The following TMEM144 variants were observed in gnomAD, a reference collection of about 807,000 sequenced individuals.
The protein encoded by TMEM144 is transmembrane protein 144.
Under a neutral mutation model 43.6 loss-of-function variants are expected in TMEM144, and 39 were observed. The observed-to-expected ratio is 0.90, with a 90% CI of 0.69 to 1.17. The LOEUF (loss-of-function observed/expected upper bound fraction) is 1.17. Among genes scored for constraint, TMEM144 ranks in the 50% most tolerant of loss-of-function variants. The pLI is 0.00. For synonymous variants in TMEM144, 154 were observed against 133.6 expected, an observed-to-expected ratio of 1.15 and a Z score of -1.06; for missense variants, 417 against 411.9, an observed-to-expected ratio of 1.01 and a Z score of -0.11.
At chr4:158,250,312 T>C (rs567146214) in intron 12 of TMEM144, among the ~76,000 whole-genome samples, 74 of 151,878 alleles carry the variant, frequency 4.9e-4, no homozygotes, top group African/African-American at 1.7e-3. Context: ...CCCTCCATCC[T>C]GGACTTTGTT....
chr4:158,253,447 CT>C lies in TMEM144; in HGVS notation c.959del (p.Leu320HisfsTer6), dbSNP rs1254810150. ...GIFMFKEIKG[L>X]QNYLLMILAF... ...GTTATTCTTTTTTCTTATTCAGGGT[CT>C]ACAAAACTACCTATTAATGATACTT... On this transcript the variant is annotated frameshift_variant, in exon 13 of 13. Coordinates refer to ENST00000296529, the MANE Select transcript of TMEM144 (RefSeq NM_018342.5). LOFTEE classifies it high-confidence loss of function. 6.2e-7 allele frequency: 1 copy of C among 1,611,640 alleles called. No individual in the cohort carries two copies. The highest frequency in any genetic ancestry group is 8.5e-7 in the Non-Finnish European group (1 of 1,178,604).
In TMEM144 at chr4:158,253,618, A is replaced by C; in HGVS notation, c.*91A>C. The C allele has an allele frequency of 9.8e-7, 1 of 1,017,954 alleles. No individual in the cohort carries two copies. Among genetic ancestry groups the C allele is most frequent in the South Asian group, 1.5e-5 (1 of 66,986 alleles). The allele number at this position is 1,017,954 out of a possible 1,614,324, so 63.1% of individuals were successfully genotyped here. On this transcript the variant is annotated 3_prime_UTR_variant, in exon 13 of 13. Transcript: ENST00000296529. ...CATGCTGAGAAAAGAGTGCATTTTCATATAGCAAATGGATCTCAGCCACTG... is the reference window on the plus strand; with the variant it reads ...CATGCTGAGAAAAGAGTGCATTTTCCTATAGCAAATGGATCTCAGCCACTG...
At chr4:158,243,617 T>G (rs902504990) in intron 11 of TMEM144, among the ~76,000 whole-genome samples, 1 of 152,198 alleles carries the variant, frequency 6.6e-6, no homozygotes, top group Non-Finnish European at 1.5e-5. Flanking sequence ...GTTTATAAAT[T>G]GCAGAACCAT....
intron 5 of TMEM144, among the ~76,000 whole-genome samples, chr4:158,218,941 T>C (rs1734371893): frequency 6.6e-6 from 1 of 151,998 alleles, no homozygotes; most frequent in South Asian, 2.1e-4. Context: ...AGTGAAACCC[T>C]GTCTCTACTA....
In TMEM144 at chr4:158,217,226, G is replaced by A. The variant is rs1734267009; in HGVS notation, c.233-95G>A. ...TTTACTAAATTTGTCCAAATCACAT[G>A]CACTTCAGTTGAAGTTAGAATAAAA... On this transcript the variant is annotated intron_variant, in intron 4 of 12. Coordinates refer to ENST00000296529, the MANE Select transcript of TMEM144 (RefSeq NM_018342.5). 5 of 792,370 alleles carry A rather than the reference G, an allele frequency of 6.3e-6. No individual in the cohort carries two copies. In the South Asian group the frequency reaches 7.1e-5, roughly 11 times the overall value. The allele number at this position is 792,370 out of a possible 1,614,324, so 49.1% of individuals were successfully genotyped here. A position where few individuals can be genotyped will look rare whatever the true frequency, so the allele number is the denominator to read the frequency against.
At chr4:158,222,778 C>A (rs552590466) in intron 6 of TMEM144, among the ~76,000 whole-genome samples, 2 of 152,298 alleles carry the variant, frequency 1.3e-5, no homozygotes, top group African/African-American at 4.8e-5. Flanking sequence ...ACTGCACGTG[C>A]ACACACACAA....
chr4:158,215,522 G>A (rs1734179697), intron 4 of TMEM144, among the ~76,000 whole-genome samples: 1 of 152,018 alleles, frequency 6.6e-6, no homozygotes, highest in South Asian at 2.1e-4. Context: ...TCCTCTTAAT[G>A]ATTTATTTTT....
intron 6 of TMEM144, among the ~76,000 whole-genome samples, chr4:158,223,865 A>G (rs1302844272): frequency 1.3e-5 from 2 of 152,240 alleles, no homozygotes; most frequent in African/African-American, 4.8e-5. Context: ...TAGTGCTGCA[A>G]TAAGCATACA....
chr4:158,229,643 A>G (rs1009732231), intron 6 of TMEM144, among the ~76,000 whole-genome samples: 1 of 152,144 alleles, frequency 6.6e-6, no homozygotes, highest in Admixed American at 6.5e-5. Context: ...CAACCCTCCC[A>G]CTAAGGGAGG....
At chr4:158,231,417 G>A (rs947696786) in intron 6 of TMEM144, among the ~76,000 whole-genome samples, 3 of 152,144 alleles carry the variant, frequency 2.0e-5, no homozygotes, top group East Asian at 1.9e-4. Context: ...TCAGCACGCC[G>A]AAGTGCCGTA....
intron 11 of TMEM144, among the ~76,000 whole-genome samples, chr4:158,244,048 G>A (rs905681791): frequency 3.3e-5 from 5 of 152,048 alleles, no homozygotes; most frequent in African/African-American, 1.2e-4. Context: ...AAAGTATTAT[G>A]TGGCACAAAA....
At chr4:158,228,008 A>T (rs1231062602) in intron 6 of TMEM144, among the ~76,000 whole-genome samples, 3 of 152,180 alleles carry the variant, frequency 2.0e-5, no homozygotes, top group Admixed American at 1.3e-4. Flanking sequence ...AAAGCAAAGA[A>T]CGGGTAAAAA....
chr4:158,235,807 G>T (rs1029852271), intron 8 of TMEM144: 8 of 249,414 alleles, frequency 3.2e-5, no homozygotes, highest in Middle Eastern at 2.6e-3. Context: ...GTAGTAACGT[G>T]ACCAACCTGC....
rs1736353495 is a variant in TMEM144 at position 158,254,096 on chromosome 4, A to G, written c.*569A>G. 1.3e-5 allele frequency: 2 copies of G among 152,288 alleles called. No individual in the cohort carries two copies. Among genetic ancestry groups the G allele is most frequent in the Non-Finnish European group, 1.5e-5 (1 of 68,136 alleles). The allele number at this position is 152,288 out of a possible 1,614,324, so 9.4% of individuals were successfully genotyped here. On this transcript the variant is annotated 3_prime_UTR_variant, in exon 13 of 13. Transcript: ENST00000296529. ...GTTTATTTCAAGTTAATATCGCCCA[A>G]CTCTACATCATCTACCCATTTTAGC... is the stretch of plus-strand genomic sequence containing the variant.
At chr4:158,228,141 A>C (rs1734869389) in intron 6 of TMEM144, among the ~76,000 whole-genome samples, 2 of 152,260 alleles carry the variant, frequency 1.3e-5, no homozygotes, top group Admixed American at 1.3e-4. Flanking sequence ...CAAGTCAAAA[A>C]GAAAAACCAA....
chr4:158,239,725 ATT>A (rs1263376708), intron 9 of TMEM144, among the ~76,000 whole-genome samples: 1 of 152,130 alleles, frequency 6.6e-6, no homozygotes, highest in East Asian at 1.9e-4. Flanking sequence ...TACATAATTC[ATT>A]GTTTCTTATT....
At chr4:158,219,131 A>G (rs953406875) in intron 5 of TMEM144, among the ~76,000 whole-genome samples, 179 bp from the exon 6 acceptor site, 1 of 152,106 alleles carries the variant, frequency 6.6e-6, no homozygotes, top group Non-Finnish European at 1.5e-5. Flanking sequence ...ATTTTTTTTT[A>G]ATTTAAAAAA....
At chr4:158,232,095 G>T (rs1352150288) in intron 6 of TMEM144, among the ~76,000 whole-genome samples, 2 of 152,128 alleles carry the variant, frequency 1.3e-5, no homozygotes, top group Non-Finnish European at 1.5e-5. Flanking sequence ...TCCCAACGTT[G>T]TTCATTTTCT....
In TMEM144 at chr4:158,253,589, A is replaced by G; in HGVS notation, c.*62A>G. ...AGAACGCGTCTATCGGACAGCGGAG[A>G]GATCATGCTGAGAAAAGAGTGCATT... On this transcript the variant is annotated 3_prime_UTR_variant, in exon 13 of 13. Transcript: ENST00000296529. The G allele has an allele frequency of 2.2e-6, 3 of 1,369,420 alleles. No homozygotes were observed. The highest frequency in any genetic ancestry group is 1.8e-4 in the Middle Eastern group (1 of 5,528). 84.8% of individuals were successfully genotyped at this position (1,369,420 alleles called of 1,614,324 possible).
Sources: gnomAD v4.1 joint callset for allele counts (sites outside exome capture counted in the v4.1 genomes callset) on GRCh38, gnomAD v4.1.1 for gene constraint, MANE v1.5 for transcripts, NCBI Gene and HGNC (gene_info 2026-07-23, HGNC 2026-07-21) for gene names.